RIMS1: variants seen among roughly 807,000 people sequenced by gnomAD.
RIMS1 encodes the protein regulating synaptic membrane exocytosis 1.
Under a neutral mutation model 214.1 loss-of-function variants are expected in RIMS1, and 83 were observed. The observed-to-expected ratio is 0.39, with a 90% CI of 0.32 to 0.47. The LOEUF (loss-of-function observed/expected upper bound fraction) is 0.47. RIMS1 is among the 20% of genes least tolerant of loss of function. The pLI, the probability that RIMS1 is intolerant of heterozygous loss-of-function variation, is 0.99. For missense variants in RIMS1, 2,050 were observed against 2,161.8 expected, an observed-to-expected ratio of 0.95 and a Z score of 1.03; for synonymous variants, 793 against 786.8, an observed-to-expected ratio of 1.01 and a Z score of -0.13.
rs546372138 is a variant in RIMS1 at position 71,910,051 on chromosome 6, C to T, written c.164+22864C>T. ...CTTTGTTCAAAGATCTAAAAGGTAGCAGGGAAAAGTTAACTCAGGTGTGGC... is the reference window on the plus strand; with the variant it reads ...CTTTGTTCAAAGATCTAAAAGGTAGTAGGGAAAAGTTAACTCAGGTGTGGC... On this transcript the variant is annotated intron_variant, in intron 1 of 33. Transcript: ENST00000521978. Among the ~76,000 whole-genome samples, 3 of 152,130 alleles carry T rather than the reference C, an allele frequency of 2.0e-5. No homozygotes were observed. The East Asian group carries it at 5.8e-4, about 29-fold the overall frequency.
intron 27 of RIMS1, 28 bp from the exon 28 acceptor site, chr6:72,313,478 C>T: frequency 6.2e-7 from 1 of 1,602,478 alleles, no homozygotes; most frequent in Non-Finnish European, 8.5e-7. Flanking sequence ...AATGATGGAG[C>T]TCACACTTTC....
chr6:71,957,027 C>T (rs553548185), intron 1 of RIMS1, among the ~76,000 whole-genome samples: 14 of 152,208 alleles, frequency 9.2e-5, no homozygotes, highest in South Asian at 2.1e-4. Flanking sequence ...CATTTCTGTC[C>T]GTTGGCCTTT....
rs139605263 is a variant in RIMS1 at position 72,055,010 on chromosome 6, C to T, written c.246-41939C>T. ...TGAAGTCTTTGCCCATGCCTATGTC[C>T]TGAATGGTATTGCCTAGGTTTTCTT... On this transcript the variant is annotated intron_variant, in intron 2 of 33. Coordinates refer to ENST00000521978, the MANE Select transcript of RIMS1 (RefSeq NM_014989.7). Among the ~76,000 whole-genome samples, 558 of 152,196 alleles carry T rather than the reference C, an allele frequency of 3.7e-3. 3 individuals are homozygous for T. The highest frequency in any genetic ancestry group is 0.013 in the African/African-American group (530 of 41,520).
chr6:72,349,455 C>T (rs1317724243), intron 29 of RIMS1, among the ~76,000 whole-genome samples: 1 of 151,644 alleles, frequency 6.6e-6, no homozygotes, highest in Non-Finnish European at 1.5e-5. Flanking sequence ...CATATAGTTG[C>T]ATTGAAACAC....
chr6:72,003,760 T>C (rs546454453), intron 2 of RIMS1, among the ~76,000 whole-genome samples: 1 of 152,186 alleles, frequency 6.6e-6, no homozygotes, highest in Admixed American at 6.5e-5. Context: ...AGCTATGTAC[T>C]TTTAATTAAC....
At chr6:72,391,534 G>T (rs753082426) in intron 30 of RIMS1, among the ~76,000 whole-genome samples, 3 of 151,710 alleles carry the variant, frequency 2.0e-5, no homozygotes, top group Non-Finnish European at 2.9e-5. Context: ...ATAATTATTT[G>T]TTCATTACCA....
chr6:72,221,940 ATAT>A (rs1232852791), intron 6 of RIMS1, among the ~76,000 whole-genome samples: 1 of 152,010 alleles, frequency 6.6e-6, no homozygotes, highest in East Asian at 1.9e-4. Flanking sequence ...AAGATTGGTG[ATAT>A]TATTAGGTCA....
At chr6:72,163,587 G>T (rs2045796655) in intron 4 of RIMS1, among the ~76,000 whole-genome samples, 1 of 140,822 alleles carries the variant, frequency 7.1e-6, no homozygotes, top group Non-Finnish European at 1.6e-5. Context: ...CTGTTTGTTA[G>T]TTTTCCTTTT....
rs547418602 is a variant in RIMS1, at chr6:72,141,983, A to C, written c.472-37592A>C. Among the ~76,000 whole-genome samples the C allele has an allele frequency of 9.9e-5, 15 of 152,130 alleles. No homozygotes were observed. The South Asian group carries it at 2.9e-3, about 29-fold the overall frequency. ...ATTTTTACTTTGTGTTCTTTGATAA[A>C]ATATTTTATATTATGCTTTTAAAAC... On this transcript the variant is annotated intron_variant, in intron 4 of 33. Coordinates refer to ENST00000521978, the MANE Select transcript of RIMS1 (RefSeq NM_014989.7).
chr6:72,061,250 CAT>C (rs1827777741), intron 2 of RIMS1, among the ~76,000 whole-genome samples: 1 of 152,070 alleles, frequency 6.6e-6, no homozygotes. Context: ...ATAATACTAT[CAT>C]ATACAAACTA....
chr6:71,977,947 T>A (rs1165954550), intron 2 of RIMS1, among the ~76,000 whole-genome samples: 1 of 151,878 alleles, frequency 6.6e-6, no homozygotes, highest in East Asian at 1.9e-4. Context: ...AGCAAACGGG[T>A]TGTAAGGAAA....
At chr6:71,958,889 A>G (rs1240265744) in intron 1 of RIMS1, among the ~76,000 whole-genome samples, 2 of 152,126 alleles carry the variant, frequency 1.3e-5, no homozygotes, top group South Asian at 4.1e-4. Context: ...ATGTTTGTTC[A>G]TATTTCCATC....
At chr6:72,183,177 G>T (rs1310242784) in intron 6 of RIMS1, 28 bp downstream of exon 6, 2 of 1,578,676 alleles carry the variant, frequency 1.3e-6, no homozygotes, top group South Asian at 2.3e-5. Flanking sequence ...GCCGTGCGGG[G>T]ACTTCAGCCA....
intron 16 of RIMS1, among the ~76,000 whole-genome samples, chr6:72,257,535 T>C (rs967992878): frequency 6.6e-6 from 1 of 152,152 alleles, no homozygotes; most frequent in African/African-American, 2.4e-5. Flanking sequence ...TTCAGTCATA[T>C]ACTACATTTG....
At chr6:72,283,971 T>G in intron 23 of RIMS1, 76 bp from the exon 24 acceptor site, 1 of 1,189,336 alleles carries the variant, frequency 8.4e-7, no homozygotes, top group Non-Finnish European at 1.2e-6. Context: ...TTTTCATGTC[T>G]ATTGTGTTTA....
At chr6:72,222,844 A>G (rs1183910879) in intron 6 of RIMS1, among the ~76,000 whole-genome samples, 1 of 152,182 alleles carries the variant, frequency 6.6e-6, no homozygotes, top group Non-Finnish European at 1.5e-5. Context: ...TTGCCCTTTA[A>G]TCCAGTTGTT....
intron 29 of RIMS1, among the ~76,000 whole-genome samples, chr6:72,344,260 T>A (rs2097189378): frequency 6.6e-6 from 1 of 151,798 alleles, no homozygotes; most frequent in South Asian, 2.1e-4. Context: ...CCAATACAGT[T>A]TACCAAAATG....
chr6:71,959,994 A>AG (rs1435180328), intron 1 of RIMS1, among the ~76,000 whole-genome samples: 2 of 152,170 alleles, frequency 1.3e-5, no homozygotes, highest in East Asian at 3.8e-4. Context: ...GGCCCACTGT[A>AG]GGTGCCAGAA....
At position 72,108,683 on chromosome 6, in the gene RIMS1, G is replaced by GTTTAT. The variant is rs368920307; in HGVS notation, c.471+8719_471+8723dup. ...TTGAAACTTTAAAACTAAAGTTTCA[G>GTTTAT]TTTATTTTATTTTATTTTATTTTAT... On this transcript the variant is annotated intron_variant, in intron 4 of 33. Transcript: ENST00000521978. 3.3e-3 allele frequency among the ~76,000 whole-genome samples: 499 copies of GTTTAT among 151,692 alleles called. 2 individuals carry two copies. The highest frequency in any genetic ancestry group is 3.4e-3 in the Middle Eastern group (1 of 292).
Sources: allele counts gnomAD v4.1 joint callset (sites outside exome capture counted in the v4.1 genomes callset), GRCh38; gene constraint gnomAD v4.1.1; transcripts MANE v1.5; gene names NCBI Gene and HGNC (gene_info 2026-07-23, HGNC 2026-07-21).